Variants in LRRIQ1 observed in about 807,000 individuals in gnomAD.
LRRIQ1 encodes the protein leucine rich repeats and IQ motif containing 1.
LRRIQ1 carries 210 observed loss-of-function variants against 211.9 expected under a neutral mutation model. The observed-to-expected ratio is 0.99, with a 90% CI of 0.89 to 1.11. The LOEUF is 1.11. LRRIQ1 is among the 50% of genes most tolerant of loss of function. The pLI is 0.00. For synonymous variants in LRRIQ1, 699 were observed against 650.1 expected (o/e 1.08, Z -1.14); for missense variants, 2,136 against 1,939.5 (o/e 1.10, Z -1.90).
chr12:85,095,473 T>G (rs1885789844), intron 11 of LRRIQ1, among the ~76,000 whole-genome samples: 1 of 152,192 alleles, frequency 6.6e-6, no homozygotes, highest in Non-Finnish European at 1.5e-5. Context: ...TGTACTTGAT[T>G]GTGGTGAGTT....
intron 1 of LRRIQ1, among the ~76,000 whole-genome samples, chr12:85,257,153 T>G (rs1896136370): frequency 8.3e-6 from 1 of 121,196 alleles, no homozygotes; most frequent in Admixed American, 1.0e-4. Context: ...TTTATATGAT[T>G]ATATATAATT....
At chr12:85,106,124 T>C (rs1886766974) in intron 14 of LRRIQ1, among the ~76,000 whole-genome samples, 1 of 152,100 alleles carries the variant, frequency 6.6e-6, no homozygotes, top group Non-Finnish European at 1.5e-5. Flanking sequence ...GGTAAAAAGG[T>C]CCATGCAATC....
chr12:85,103,936 A>G, intron 13 of LRRIQ1, 68 bp from the exon 14 acceptor site: 1 of 736,666 alleles, frequency 1.4e-6, no homozygotes, highest in Non-Finnish European at 2.2e-6. Context: ...ATTGTTATAT[A>G]GTTACAATGG....
intron 24 of LRRIQ1, among the ~76,000 whole-genome samples, chr12:85,190,535 AG>A (rs1466548054): frequency 4.0e-5 from 6 of 149,006 alleles, no homozygotes; most frequent in Admixed American, 2.7e-4. Flanking sequence ...CATAAATAAT[AG>A]TATATATTAA....
intron 18 of LRRIQ1, among the ~76,000 whole-genome samples, chr12:85,133,184 A>G (rs1028864309): frequency 2.6e-5 from 4 of 152,200 alleles, no homozygotes; most frequent in Non-Finnish European, 4.4e-5. Flanking sequence ...TTTAATCTAC[A>G]TGGCAATCCT....
intron 16 of LRRIQ1, among the ~76,000 whole-genome samples, chr12:85,123,246 A>G (rs944208633): frequency 6.6e-6 from 1 of 152,050 alleles, no homozygotes; most frequent in African/African-American, 2.4e-5. Context: ...TGTAACTTTC[A>G]TTTTGTTTGA....
intron 11 of LRRIQ1, among the ~76,000 whole-genome samples, chr12:85,075,347 A>T (rs1327191690): frequency 6.6e-6 from 1 of 152,038 alleles, no homozygotes; most frequent in East Asian, 1.9e-4. Flanking sequence ...AATACCCAAG[A>T]CTAGGTAAAA....
At chr12:85,176,242 C>T (rs939063970) in intron 24 of LRRIQ1, among the ~76,000 whole-genome samples, 2 of 151,906 alleles carry the variant, frequency 1.3e-5, no homozygotes, top group Non-Finnish European at 2.9e-5. Flanking sequence ...AGTTGGATTC[C>T]TAGGTATTTG....
intron 15 of LRRIQ1, among the ~76,000 whole-genome samples, chr12:85,115,785 G>A (rs1195124859): frequency 6.6e-6 from 1 of 151,764 alleles, no homozygotes; most frequent in Non-Finnish European, 1.5e-5. Flanking sequence ...TATTATCTTT[G>A]AATGTATTTA....
intron 8 of LRRIQ1, 121 bp from the exon 9 acceptor site, chr12:85,065,141 C>A (rs1167374524): frequency 3.9e-6 from 3 of 763,024 alleles, no homozygotes; most frequent in Non-Finnish European, 5.8e-6. Flanking sequence ...TAAATGTAGG[C>A]TTCAACATAT....
intron 11 of LRRIQ1, among the ~76,000 whole-genome samples, chr12:85,078,100 T>G (rs1592750267): frequency 6.6e-6 from 1 of 152,096 alleles, no homozygotes; most frequent in African/African-American, 2.4e-5. Flanking sequence ...TCGATTACTG[T>G]TTAATCAGTT....
intron 26 of LRRIQ1, among the ~76,000 whole-genome samples, chr12:85,236,829 G>GTGTATATATATATATATA (rs1565921248): frequency 1.7e-5 from 1 of 60,460 alleles, no homozygotes; most frequent in African/African-American, 1.6e-4. Context: ...GTGTATGTGT[G>GTGTATATATATATATATA]CATATATATA....
At chr12:85,218,116 C>T (rs1403044950) in intron 24 of LRRIQ1, among the ~76,000 whole-genome samples, 3 of 151,892 alleles carry the variant, frequency 2.0e-5, no homozygotes, top group African/African-American at 4.8e-5. Flanking sequence ...CTCTTCTTAT[C>T]GTGTGGAAAT....
chr12:85,132,014 G>GAT lies in LRRIQ1; in HGVS notation c.4209+3985_4209+3986dup, dbSNP rs374152807. Among the ~76,000 whole-genome samples the GAT allele has an allele frequency of 5.8e-3, 885 of 152,146 alleles. 10 individuals carry two copies. Among genetic ancestry groups the GAT allele is most frequent in the African/African-American group, 0.02 (847 of 41,518 alleles). ...TGACCCTAAGCAGATTCATGAGGGA[G>GAT]ATATAGATATCTCTGTGTGACACAC... is the stretch of plus-strand genomic sequence containing the variant. On this transcript the variant is annotated intron_variant, in intron 18 of 26. Transcript: ENST00000393217.
chr12:85,251,949 C>A (rs1489251761), intron 1 of LRRIQ1, among the ~76,000 whole-genome samples: 2 of 151,812 alleles, frequency 1.3e-5, no homozygotes, highest in South Asian at 4.1e-4. Flanking sequence ...GAAACTCAAA[C>A]TTTTCTCTGT....
chr12:85,064,772 A>G (rs1458901168), intron 8 of LRRIQ1, among the ~76,000 whole-genome samples: 2 of 151,722 alleles, frequency 1.3e-5, no homozygotes, highest in South Asian at 2.1e-4. Context: ...CAGCACCATT[A>G]TTGAAGAGGC....
Position 85,056,752 on chromosome 12 carries a change from T to C in LRRIQ1, c.1959T>C (p.Ser653=). The C allele has an allele frequency of 6.2e-7, 1 of 1,605,230 alleles. No homozygotes were observed. Among genetic ancestry groups the C allele is most frequent in the Non-Finnish European group, 8.5e-7 (1 of 1,177,752 alleles). The change falls in exon 8 of 27, where the codon AGT becomes AGC. Residue 653 remains serine (S), a synonymous_variant. Coordinates refer to ENST00000393217, the MANE Select transcript of LRRIQ1 (RefSeq NM_001079910.2). ...ACCCAAAAGACAATGCTTGGAATAG[T>C]GGCATTGTGATTTTTAACACAACTG... ...EENPKDNAWN[S]GIVIFNTTDT...
chr12:85,176,260 T>G (rs1891693463), intron 24 of LRRIQ1, among the ~76,000 whole-genome samples: 1 of 152,082 alleles, frequency 6.6e-6, no homozygotes, highest in Admixed American at 6.6e-5. Context: ...TTGATTCTCT[T>G]TGAAGCAATT....
At chr12:85,191,625 A>C (rs1892515519) in intron 24 of LRRIQ1, among the ~76,000 whole-genome samples, 1 of 152,042 alleles carries the variant, frequency 6.6e-6, no homozygotes, top group Non-Finnish European at 1.5e-5. Context: ...AGCTGCTATA[A>C]ATGTCCATGT....
Sources: gnomAD v4.1 joint callset for allele counts (sites outside exome capture counted in the v4.1 genomes callset) on GRCh38, gnomAD v4.1.1 for gene constraint, MANE v1.5 for transcripts, NCBI Gene and HGNC (gene_info 2026-07-23, HGNC 2026-07-21) for gene names.